GPC5: variants seen among roughly 807,000 people sequenced by gnomAD.
The protein encoded by GPC5 is glypican 5.
Under a neutral mutation model 53.9 loss-of-function variants are expected in GPC5, and 47 were observed. The ratio of observed to expected loss-of-function variants is 0.87; its 90% CI spans 0.69 to 1.11. The LOEUF (loss-of-function observed/expected upper bound fraction) is 1.11, where lower values mean the gene tolerates loss of function less well. GPC5 is among the 50% of genes most tolerant of loss of function. The pLI is 0.00. For missense variants in GPC5, 748 were observed against 713.1 expected (o/e 1.05, Z -0.56); for synonymous variants, 286 against 263.3 (o/e 1.09, Z -0.84).
At chr13:91,461,606 G>A (rs72640386) in intron 2 of GPC5, among the ~76,000 whole-genome samples, 13,830 of 152,106 alleles carry the variant, frequency 0.091, 787 homozygotes, top group East Asian at 0.32. Flanking sequence ...AAAGTACTTG[G>A]TTTGGTGCCT....
intron 2 of GPC5, among the ~76,000 whole-genome samples, chr13:91,631,106 T>C (rs2034147416): frequency 6.6e-6 from 1 of 152,152 alleles, no homozygotes; most frequent in Admixed American, 6.6e-5. Flanking sequence ...CCAGAAAACT[T>C]AAGCAAGACA....
chr13:91,657,971 ATTATC>A lies in GPC5; in HGVS notation c.326-35211_326-35207del, dbSNP rs1169955848. Among the ~76,000 whole-genome samples the A allele has an allele frequency of 3.3e-5, 5 of 152,344 alleles. 1 individual carries two copies. The South Asian group carries it at 8.3e-4, about 25-fold the overall frequency. ...ATGCCTACTTTGGATATTTTCAAAT[ATTATC>A]TTATGAAATTGAGCAGTGCATTATG... On this transcript the variant is annotated intron_variant, in intron 2 of 7. Coordinates refer to ENST00000377067, the MANE Select transcript of GPC5 (RefSeq NM_004466.6).
chr13:91,860,870 T>C (rs1321745049), intron 5 of GPC5, among the ~76,000 whole-genome samples: 1 of 152,214 alleles, frequency 6.6e-6, no homozygotes, highest in Non-Finnish European at 1.5e-5. Context: ...ATCTTGGGTA[T>C]TGTGAATAGT....
chr13:92,692,752 C>CTTTTTTTTTTTTTTTTTTT (rs1457273874), intron 7 of GPC5, among the ~76,000 whole-genome samples: 5 of 61,288 alleles, frequency 8.2e-5, no homozygotes, highest in South Asian at 6.9e-4. Flanking sequence ...CCAATATCGG[C>CTTTTTTTTTTTTTTTTTTT]TATTTTTTTT....
intron 6 of GPC5, among the ~76,000 whole-genome samples, chr13:91,978,122 A>G (rs2040324041): frequency 1.3e-5 from 2 of 152,210 alleles, no homozygotes; most frequent in Admixed American, 1.3e-4. Flanking sequence ...TGATCGTGCC[A>G]CTGCATGTTC....
intron 7 of GPC5, among the ~76,000 whole-genome samples, chr13:92,276,929 T>C (rs996531679): frequency 1.3e-5 from 2 of 152,070 alleles, no homozygotes; most frequent in Non-Finnish European, 2.9e-5. Flanking sequence ...AGAGGAGGTA[T>C]ATATTAGTCA....
rs1695836995 is a variant in GPC5 at position 91,654,858 on chromosome 13, A to T, written c.326-38329A>T. 1.3e-5 allele frequency among the ~76,000 whole-genome samples: 2 copies of T among 152,188 alleles called. 1 individual carries two copies. The highest frequency in any genetic ancestry group is 4.1e-4 in the South Asian group (2 of 4,836). On this transcript the variant is annotated intron_variant, in intron 2 of 7. Transcript: ENST00000377067. ...ATTGTTTCACCTCAGATAAACTCAT[A>T]CAGAGATAATCAACTATTTCCTTTA... is the stretch of plus-strand genomic sequence containing the variant.
intron 2 of GPC5, among the ~76,000 whole-genome samples, chr13:91,593,177 G>C (rs2032867355): frequency 6.6e-6 from 1 of 152,130 alleles, no homozygotes; most frequent in South Asian, 2.1e-4. Flanking sequence ...CATTTCCCAG[G>C]AGCTGTTCAG....
chr13:92,713,000 T>C (rs539998954), intron 7 of GPC5, among the ~76,000 whole-genome samples: 2 of 152,208 alleles, frequency 1.3e-5, no homozygotes, highest in African/African-American at 4.8e-5. Context: ...GAATTTTTTT[T>C]AAATTTACTC....
intron 6 of GPC5, among the ~76,000 whole-genome samples, chr13:91,960,554 A>T (rs1170779624): frequency 6.6e-6 from 1 of 152,040 alleles, no homozygotes; most frequent in Admixed American, 6.6e-5. Flanking sequence ...TAGAAATAGA[A>T]AAACAACTCT....
At chr13:92,134,504 CT>C (rs1299622853) in intron 6 of GPC5, among the ~76,000 whole-genome samples, 1 of 152,050 alleles carries the variant, frequency 6.6e-6, no homozygotes, top group African/African-American at 2.4e-5. Flanking sequence ...GAGATGAAGG[CT>C]TTTGGCATGT....
At chr13:92,539,999 T>G (rs572436207) in intron 7 of GPC5, among the ~76,000 whole-genome samples, 1 of 152,126 alleles carries the variant, frequency 6.6e-6, no homozygotes, top group African/African-American at 2.4e-5. Flanking sequence ...AAACATTTTC[T>G]TTAAGAATGC....
At chr13:92,476,894 T>C (rs1358357776) in intron 7 of GPC5, among the ~76,000 whole-genome samples, 1 of 81,686 alleles carries the variant, frequency 1.2e-5, no homozygotes, top group Non-Finnish European at 2.3e-5. Context: ...GGGACTGTTG[T>C]GGGGTGGGGG....
chr13:92,341,027 T>A (rs947400389), intron 7 of GPC5, among the ~76,000 whole-genome samples: 7 of 152,162 alleles, frequency 4.6e-5, no homozygotes, highest in Admixed American at 6.6e-5. Context: ...TTCATTTTTT[T>A]TAAAATTTGG....
chr13:92,564,476 T>A (rs1469524739), intron 7 of GPC5, among the ~76,000 whole-genome samples: 2 of 152,094 alleles, frequency 1.3e-5, no homozygotes, highest in African/African-American at 4.8e-5. Flanking sequence ...TGTGTCTATT[T>A]TTCCTGCTTC....
intron 5 of GPC5, among the ~76,000 whole-genome samples, chr13:91,848,009 T>C (rs1278705504): frequency 6.6e-6 from 1 of 152,250 alleles, no homozygotes; most frequent in African/African-American, 2.4e-5. Context: ...TCTTGGCTGT[T>C]ATTATGTAAT....
chr13:92,771,784 T>C (rs11839546), intron 7 of GPC5, among the ~76,000 whole-genome samples: 42,564 of 152,020 alleles, frequency 0.28, 6,364 homozygotes, highest in East Asian at 0.4. Context: ...ACAAACACCA[T>C]CTGTATTTCT....
chr13:92,705,056 T>C (rs1486970301), intron 7 of GPC5, among the ~76,000 whole-genome samples: 1 of 151,924 alleles, frequency 6.6e-6, no homozygotes, highest in Non-Finnish European at 1.5e-5. Context: ...CTAGAATTAA[T>C]ATTATGGCAA....
intron 7 of GPC5, among the ~76,000 whole-genome samples, chr13:92,408,434 AACTC>A (rs1875887376): frequency 6.6e-6 from 1 of 152,156 alleles, no homozygotes; most frequent in Non-Finnish European, 1.5e-5. Context: ...AGTGGGACTT[AACTC>A]ACTCATTTTT....
Sources: allele counts gnomAD v4.1 joint callset (sites outside exome capture counted in the v4.1 genomes callset), GRCh38; gene constraint gnomAD v4.1.1; transcripts MANE v1.5; gene names NCBI Gene and HGNC (gene_info 2026-07-23, HGNC 2026-07-21).